TMTC1: variants seen among roughly 807,000 people sequenced by gnomAD.
TMTC1 encodes the protein transmembrane O-mannosyltransferase targeting cadherins 1.
A neutral mutation model predicts 104.8 loss-of-function variants in TMTC1; 73 were observed. The observed-to-expected ratio is 0.70, with a 90% confidence interval of 0.58 to 0.85. The LOEUF is 0.85. TMTC1 is among the 40% of genes least tolerant of loss of function. TMTC1 has a pLI of 0.00. For missense variants in TMTC1, 1,035 were observed against 1,096.1 expected (o/e 0.94, Z 0.79); for synonymous variants, 434 against 428.7 (o/e 1.01, Z -0.15).
At chr12:29,597,797 T>C (rs1484769386) in intron 7 of TMTC1, among the ~76,000 whole-genome samples, 1 of 152,110 alleles carries the variant, frequency 6.6e-6, no homozygotes. Flanking sequence ...CCAGTAAAGC[T>C]TCCGCCCAAA....
At chr12:29,720,108 G>A (rs1442621823) in intron 5 of TMTC1, among the ~76,000 whole-genome samples, 1 of 152,196 alleles carries the variant, frequency 6.6e-6, no homozygotes, top group Non-Finnish European at 1.5e-5. Context: ...GCAGAACAGA[G>A]GCCAAGGTTT....
intron 5 of TMTC1, among the ~76,000 whole-genome samples, chr12:29,724,922 C>G (rs74451810): frequency 1.3e-5 from 2 of 150,446 alleles, no homozygotes; most frequent in African/African-American, 4.9e-5. Flanking sequence ...AGTAAACCAA[C>G]GAACATGAGC....
At chr12:29,742,998 C>A (rs551530038) in intron 5 of TMTC1, among the ~76,000 whole-genome samples, 15 of 152,166 alleles carry the variant, frequency 9.9e-5, no homozygotes, top group Non-Finnish European at 1.9e-4. Context: ...CATTGGCTTT[C>A]GCATAAAATA....
intron 1 of TMTC1, among the ~76,000 whole-genome samples, chr12:29,782,432 C>T (rs1401520205): frequency 6.7e-6 from 1 of 148,728 alleles, no homozygotes; most frequent in Non-Finnish European, 1.5e-5. Flanking sequence ...ATAATCATTA[C>T]CATAAACACG....
chr12:29,755,573 T>C (rs1943194674), intron 4 of TMTC1, 136 bp downstream of exon 4: 2 of 698,892 alleles, frequency 2.9e-6, no homozygotes, highest in Non-Finnish European at 2.3e-6. Context: ...ATAAGCCTTG[T>C]TGATTACGTG....
At chr12:29,750,869 T>C (rs558774258) in intron 5 of TMTC1, among the ~76,000 whole-genome samples, 41 of 152,316 alleles carry the variant, frequency 2.7e-4, no homozygotes, top group Admixed American at 7.2e-4. Flanking sequence ...ATGATCCACA[T>C]AGGGCTACTA....
chr12:29,607,011 G>A (rs1208083468), intron 6 of TMTC1, among the ~76,000 whole-genome samples: 1 of 152,076 alleles, frequency 6.6e-6, no homozygotes, highest in African/African-American at 2.4e-5. Context: ...TAGTGAGCAG[G>A]ATGCCCATGG....
At chr12:29,642,210 C>G (rs1418276879) in intron 5 of TMTC1, among the ~76,000 whole-genome samples, 2 of 152,142 alleles carry the variant, frequency 1.3e-5, no homozygotes, top group Non-Finnish European at 1.5e-5. Context: ...TGCTAGAGAT[C>G]TAGACATCCA....
chr12:29,548,529 T>C (rs1415674556), intron 10 of TMTC1, among the ~76,000 whole-genome samples: 1 of 152,036 alleles, frequency 6.6e-6, no homozygotes, highest in East Asian at 1.9e-4. Context: ...GATGGTTTTA[T>C]AAAGTACAGT....
chr12:29,591,199 T>C (rs2136355266), intron 7 of TMTC1, among the ~76,000 whole-genome samples: 1 of 152,330 alleles, frequency 6.6e-6, no homozygotes, highest in Admixed American at 6.5e-5. Context: ...AAGACGTTTC[T>C]CCACTATGAA....
At chr12:29,724,516 GGAT>G (rs1169845683) in intron 5 of TMTC1, among the ~76,000 whole-genome samples, 1 of 152,106 alleles carries the variant, frequency 6.6e-6, no homozygotes, top group Admixed American at 6.6e-5. Flanking sequence ...ACCACATTCT[GGAT>G]GATAAGTGAT....
intron 6 of TMTC1, among the ~76,000 whole-genome samples, chr12:29,613,252 G>C (rs1591806522): frequency 6.6e-6 from 1 of 152,280 alleles, no homozygotes; most frequent in African/African-American, 2.4e-5. Flanking sequence ...GGAGAAAGGG[G>C]GGCTTGAGTG....
intron 5 of TMTC1, among the ~76,000 whole-genome samples, chr12:29,748,892 A>G (rs897688792): frequency 1.3e-5 from 2 of 152,252 alleles, no homozygotes; most frequent in Admixed American, 1.3e-4. Context: ...AAGGTAGTAC[A>G]TATTCAAAGC....
At chr12:29,580,819 T>C (rs1056332161) in intron 8 of TMTC1, among the ~76,000 whole-genome samples, 2 of 152,198 alleles carry the variant, frequency 1.3e-5, no homozygotes, top group Non-Finnish European at 2.9e-5. Flanking sequence ...TTATATAGTG[T>C]TCTGGGTTTA....
rs150153082 is a variant in TMTC1, at chr12:29,542,321, C to T, written c.1677-6004G>A. 8.3e-3 allele frequency among the ~76,000 whole-genome samples: 1,267 copies of T among 152,080 alleles called. 5 individuals are homozygous for T. The highest frequency in any genetic ancestry group is 0.013 in the African/African-American group (535 of 41,480). On this transcript the variant is annotated intron_variant, in intron 10 of 17. Transcript: ENST00000539277. ...CAGAGCTTCTGGTAGAGGGTTCAAC[C>T]GGCACTGATGGAACTCTTGGGGATC...
chr12:29,655,754 G>A (rs1939724558), intron 5 of TMTC1, among the ~76,000 whole-genome samples: 1 of 152,104 alleles, frequency 6.6e-6, no homozygotes, highest in Admixed American at 6.6e-5. Context: ...CACAAGTCAA[G>A]TCCTTTGAAA....
intron 6 of TMTC1, 151 bp from the exon 7 acceptor site, chr12:29,604,450 G>A: frequency 9.3e-7 from 1 of 1,075,410 alleles, no homozygotes; most frequent in Non-Finnish European, 1.3e-6. Context: ...GAATTTAACA[G>A]AGAAAGCTGA....
At chr12:29,593,096 C>T (rs57072643) in intron 7 of TMTC1, among the ~76,000 whole-genome samples, 14,456 of 152,146 alleles carry the variant, frequency 0.095, 780 homozygotes, top group Middle Eastern at 0.2. Context: ...GAGAGCTGGG[C>T]CCTTCTCTGG....
At position 29,641,499 on chromosome 12, in the gene TMTC1, T is replaced by C. The variant is rs556513047; in HGVS notation, c.939-8163A>G. 3.7e-4 allele frequency among the ~76,000 whole-genome samples: 56 copies of C among 152,142 alleles called. No homozygotes were observed. In the Middle Eastern group the frequency reaches 0.02, roughly 55 times the overall value. On this transcript the variant is annotated intron_variant, in intron 5 of 17. Coordinates refer to ENST00000539277, the MANE Select transcript of TMTC1 (RefSeq NM_001193451.2). ...GATCCAGAAGAGAGACAATAATCAC[T>C]GCAGTTTGGCTCACAGGAAGCCACA...
Sources: gnomAD v4.1 joint callset for allele counts (sites outside exome capture counted in the v4.1 genomes callset) on GRCh38, gnomAD v4.1.1 for gene constraint, MANE v1.5 for transcripts, NCBI Gene and HGNC (gene_info 2026-07-23, HGNC 2026-07-21) for gene names.